The following ABI3BP variants were observed in gnomAD, a reference collection of about 807,000 sequenced individuals.
ABI3BP encodes target of Nesh-SH3.
A neutral mutation model predicts 268.6 loss-of-function variants in ABI3BP; 216 were observed. The observed-to-expected ratio is 0.80, with a 90% confidence interval of 0.72 to 0.90. The LOEUF is 0.90. ABI3BP is among the 40% of genes least tolerant of loss of function. The pLI, the probability that ABI3BP is intolerant of heterozygous loss-of-function variation, is 0.00. For missense variants in ABI3BP, 2,090 were observed against 2,182.4 expected, an observed-to-expected ratio of 0.96 and a Z score of 0.84; for synonymous variants, 730 against 730.0, an observed-to-expected ratio of 1.00 and a Z score of 0.00.
Position 100,840,839 on chromosome 3 carries a change from G to T in ABI3BP, c.1785C>A (p.Thr595=). The part of the protein sequence containing the change: ...QSTIGPETPG[T]KPSTTLAPRK... ...TATTACCTAATGTTGTTGAAGGTTT[G>T]GTTCCTGGTGTTTCAGGTCCTAAGA... The change falls in exon 22 of 68, where the codon ACC becomes ACA. Residue 595 remains threonine (T), a synonymous_variant. Transcript: ENST00000471714. The T allele has an allele frequency of 6.5e-7, 1 of 1,535,192 alleles. No homozygotes were observed. The highest frequency in any genetic ancestry group is 8.7e-7 in the Non-Finnish European group (1 of 1,146,308).
intron 2 of ABI3BP, among the ~76,000 whole-genome samples, chr3:100,908,808 A>G (rs550002931): frequency 1.2e-4 from 18 of 152,358 alleles, no homozygotes; most frequent in Admixed American, 1.3e-4. Context: ...GGAAGAATCA[A>G]TATTGTGAAA....
At chr3:100,908,567 T>C (rs577323446) in intron 2 of ABI3BP, among the ~76,000 whole-genome samples, 78 of 151,438 alleles carry the variant, frequency 5.2e-4, no homozygotes, top group African/African-American at 1.7e-3. Context: ...AGTCTCAGGA[T>C]ACAAAATCAA....
chr3:100,790,546 A>G (rs1201861299), intron 55 of ABI3BP, among the ~76,000 whole-genome samples: 1 of 152,024 alleles, frequency 6.6e-6, no homozygotes, highest in Middle Eastern at 3.2e-3. Context: ...TCATTTATAA[A>G]CTTCCAATGT....
intron 21 of ABI3BP, among the ~76,000 whole-genome samples, chr3:100,841,313 T>C (rs1230251332): frequency 1.3e-5 from 2 of 150,350 alleles, no homozygotes; most frequent in African/African-American, 2.4e-5. Context: ...CCGTGGCACT[T>C]TTCAAGAAAA....
At chr3:100,815,366 A>G (rs961837424) in intron 44 of ABI3BP, among the ~76,000 whole-genome samples, 1 of 152,152 alleles carries the variant, frequency 6.6e-6, no homozygotes, top group African/African-American at 2.4e-5. Context: ...ATAGATATTC[A>G]GAGGGATTCC....
At chr3:100,884,812 T>C (rs1008894971) in intron 6 of ABI3BP, among the ~76,000 whole-genome samples, 19 of 152,100 alleles carry the variant, frequency 1.2e-4, no homozygotes, top group Non-Finnish European at 2.6e-4. Context: ...TTACTCTTAA[T>C]GGCAAAAGCT....
At chr3:100,773,090 A>G (rs1009199465) in intron 61 of ABI3BP, among the ~76,000 whole-genome samples, 11 of 151,630 alleles carry the variant, frequency 7.3e-5, no homozygotes, top group African/African-American at 2.7e-4. Context: ...AAAAAAAAAA[A>G]AAAAGAAAAG....
At chr3:100,989,959 G>A (rs917575523) in intron 1 of ABI3BP, among the ~76,000 whole-genome samples, 1 of 152,184 alleles carries the variant, frequency 6.6e-6, no homozygotes, top group Non-Finnish European at 1.5e-5. Context: ...CTCACCTGAA[G>A]AGTCTATGAC....
At chr3:100,816,523 A>T in intron 43 of ABI3BP, 165 bp downstream of exon 43, 1 of 716,296 alleles carries the variant, frequency 1.4e-6, no homozygotes, top group South Asian at 1.5e-5. Context: ...GTTCTCCTGG[A>T]TAGCTCTGTA....
At chr3:100,899,339 C>G (rs1380459906) in intron 3 of ABI3BP, among the ~76,000 whole-genome samples, 4 of 152,076 alleles carry the variant, frequency 2.6e-5, no homozygotes, top group African/African-American at 9.7e-5. Flanking sequence ...GAAATAACAT[C>G]TAAGACAAGA....
chr3:100,795,059 AC>A, intron 53 of ABI3BP, 56 bp from the exon 54 acceptor site: 1 of 1,117,118 alleles, frequency 9.0e-7, no homozygotes, highest in Non-Finnish European at 1.2e-6. Context: ...CCAGCACCAG[AC>A]CAGATTGGTA....
In ABI3BP at chr3:100,775,354, G is replaced by A. The variant is rs748716073; in HGVS notation, c.4334-19C>T. The stretch of plus-strand genomic sequence containing the variant: ...ATGATTCCTGTAAAGTAGAGCCAAA[G>A]TAGTCAGGCTTTATAGGAACACTGC... On this transcript the variant is annotated intron_variant, in intron 59 of 67. Transcript: ENST00000471714. 1 of 1,590,834 alleles carries A rather than the reference G, an allele frequency of 6.3e-7. No individual in the cohort carries two copies. The highest frequency in any genetic ancestry group is 1.1e-5 in the South Asian group (1 of 87,542).
Position 100,864,104 on chromosome 3 carries a change from A to G in ABI3BP, c.1064-28T>C, listed in dbSNP as rs778467451. ...ACAATAAAAAAGAGTGCAGTTAGCA[A>G]CTCCTGGACTTGGGTTTTGATGTTG... On this transcript the variant is annotated intron_variant, in intron 11 of 67. Coordinates refer to ENST00000471714, the MANE Select transcript of ABI3BP (RefSeq NM_001375547.2). 6.8e-6 allele frequency: 10 copies of G among 1,464,702 alleles called. No individual in the cohort carries two copies. In the South Asian group the frequency reaches 7.3e-5, roughly 11 times the overall value. 90.7% of individuals were successfully genotyped at this position (1,464,702 alleles called of 1,614,324 possible).
intron 57 of ABI3BP, among the ~76,000 whole-genome samples, chr3:100,785,940 C>T (rs1330996549): frequency 2.0e-5 from 3 of 152,140 alleles, no homozygotes; most frequent in Admixed American, 2.0e-4. Context: ...TGGTGAATTA[C>T]ACTAATTTGT....
chr3:100,979,602 G>A (rs2088174180), intron 1 of ABI3BP, among the ~76,000 whole-genome samples: 2 of 152,100 alleles, frequency 1.3e-5, no homozygotes, highest in South Asian at 2.1e-4. Flanking sequence ...ACCATGAAAA[G>A]GAATGTTTGA....
At chr3:100,787,913 T>C (rs899885392) in intron 56 of ABI3BP, 111 bp from the exon 57 acceptor site, 3 of 648,364 alleles carry the variant, frequency 4.6e-6, no homozygotes, top group Non-Finnish European at 7.2e-6. Flanking sequence ...AAAAGATGAC[T>C]TACCAAAAAT....
At chr3:100,929,154 T>G (rs1441835793) in intron 1 of ABI3BP, among the ~76,000 whole-genome samples, 2 of 152,034 alleles carry the variant, frequency 1.3e-5, no homozygotes, top group African/African-American at 4.8e-5. Context: ...AGGGAGCATT[T>G]AACAAATCTT....
At position 100,857,971 on chromosome 3, in the gene ABI3BP, A is replaced by ATTT. The variant is rs2098957883; in HGVS notation, c.1285+4339_1285+4340insAAA. The stretch of plus-strand genomic sequence containing the variant: ...CATGCACAATTCATCTGAATGGAAG[A>ATTT]CACTGAGAACTTTTCTAGCGCTTGC... On this transcript the variant is annotated intron_variant, in intron 14 of 67. Transcript: ENST00000471714. 2.0e-5 allele frequency among the ~76,000 whole-genome samples: 3 copies of ATTT among 152,372 alleles called. 1 individual carries two copies. The East Asian group carries it at 5.8e-4, about 29-fold the overall frequency.
chr3:100,914,634 G>C (rs978814101), intron 2 of ABI3BP, among the ~76,000 whole-genome samples: 1 of 152,202 alleles, frequency 6.6e-6, no homozygotes, highest in African/African-American at 2.4e-5. Context: ...CCGCTATAGA[G>C]AGTGAGTGGA....
Sources: gnomAD v4.1 joint callset for allele counts (sites outside exome capture counted in the v4.1 genomes callset) on GRCh38, gnomAD v4.1.1 for gene constraint, MANE v1.5 for transcripts, NCBI Gene and HGNC (gene_info 2026-07-23, HGNC 2026-07-21) for gene names.